Variants in GCH1 observed in about 807,000 individuals in gnomAD.
GCH1 encodes the protein GTP cyclohydrolase 1.
A neutral mutation model predicts 25.9 loss-of-function variants in GCH1; 5 were observed. That is an observed-to-expected ratio of 0.19 (90% CI 0.10 to 0.41). GCH1 has a LOEUF of 0.41. Ranked by LOEUF, GCH1 falls within the 10% of genes least tolerant of loss-of-function variation. The pLI, the probability that GCH1 is intolerant of heterozygous loss-of-function variation, is 1.00. For synonymous variants in GCH1, 159 were observed against 129.6 expected (o/e 1.23, Z -1.54); for missense variants, 261 against 336.5 (o/e 0.78, Z 1.75).
chr14:54,887,781 T>C (rs1287843062), intron 1 of GCH1, among the ~76,000 whole-genome samples: 2 of 152,322 alleles, frequency 1.3e-5, no homozygotes, highest in Admixed American at 1.3e-4. Context: ...ACTACGCCAA[T>C]ATGGCAGAAT....
chr14:54,847,750 G>T (rs2039665628), intron 3 of GCH1, among the ~76,000 whole-genome samples: 1 of 152,008 alleles, frequency 6.6e-6, no homozygotes, highest in Non-Finnish European at 1.5e-5. Flanking sequence ...ACTGCAGAGT[G>T]GTGCTTCCTG....
chr14:54,882,689 C>G (rs763478600), intron 1 of GCH1, among the ~76,000 whole-genome samples: 3 of 152,124 alleles, frequency 2.0e-5, no homozygotes, highest in Non-Finnish European at 2.9e-5. Flanking sequence ...ACACACCAAT[C>G]TGATTAAACT....
intron 1 of GCH1, among the ~76,000 whole-genome samples, chr14:54,876,049 T>G (rs1299647547): frequency 6.6e-6 from 1 of 152,166 alleles, no homozygotes; most frequent in Non-Finnish European, 1.5e-5. Context: ...CATGCACACG[T>G]ATGTTTACCG....
chr14:54,878,166 G>C (rs151262959), intron 1 of GCH1: 6 of 154,670 alleles, frequency 3.9e-5, no homozygotes, highest in African/African-American at 1.4e-4. Context: ...GGAAATTTCT[G>C]TCCAATGGAG....
chr14:54,891,062 C>T lies in GCH1; in HGVS notation c.343+11259G>A, dbSNP rs115611065. The stretch of plus-strand genomic sequence containing the variant: ...CTTGGTCAAACATGGTCTGAAAATA[C>T]TAAATGAAAAACTCCAGAAATAGAC... On this transcript the variant is annotated intron_variant, in intron 1 of 5. Transcript: ENST00000491895. 9.5e-3 allele frequency among the ~76,000 whole-genome samples: 1,440 copies of T among 152,244 alleles called. 28 individuals are homozygous for T. The highest frequency in any genetic ancestry group is 0.033 in the African/African-American group (1,353 of 41,536).
Position 54,898,707 on chromosome 14 carries a change from C to T in GCH1, c.343+3614G>A, listed in dbSNP as rs148887062. The stretch of plus-strand genomic sequence containing the variant: ...CAATCTCGGCTCACTGCAACCTCCA[C>T]CTTCTGGGTTCAAGTGATTCTCCTG... On this transcript the variant is annotated intron_variant, in intron 1 of 5. Coordinates refer to ENST00000491895, the MANE Select transcript of GCH1 (RefSeq NM_000161.3). 9.6e-3 allele frequency among the ~76,000 whole-genome samples: 1,461 copies of T among 152,274 alleles called. 26 individuals carry two copies. The highest frequency in any genetic ancestry group is 0.033 in the African/African-American group (1,370 of 41,554).
At position 54,855,078 on chromosome 14, in the gene GCH1, C is replaced by G. The variant is rs936868082; in HGVS notation, c.509+4603G>C. Among the ~76,000 whole-genome samples the G allele has an allele frequency of 5.9e-5, 9 of 152,310 alleles. No homozygotes were observed. In the East Asian group the frequency reaches 1.7e-3, roughly 29 times the overall value. On this transcript the variant is annotated intron_variant, in intron 3 of 5. Coordinates refer to ENST00000491895, the MANE Select transcript of GCH1 (RefSeq NM_000161.3). The stretch of plus-strand genomic sequence containing the variant: ...TTTTTGGCAAGTCTCAAACTGCAAA[C>G]TGTACTTATCTATAGCAAATACTGG...
intron 1 of GCH1, among the ~76,000 whole-genome samples, chr14:54,877,472 A>T (rs934228240): frequency 4.6e-5 from 7 of 152,148 alleles, no homozygotes; most frequent in African/African-American, 1.7e-4. Flanking sequence ...ATAGTAAGAC[A>T]GGCCCACAAT....
intron 1 of GCH1, among the ~76,000 whole-genome samples, chr14:54,873,423 C>T (rs1035779407): frequency 6.6e-6 from 1 of 151,990 alleles, no homozygotes; most frequent in Non-Finnish European, 1.5e-5. Flanking sequence ...CCTAACATCA[C>T]AATTAAAAGA....
chr14:54,851,724 C>T (rs2039733847), intron 3 of GCH1, among the ~76,000 whole-genome samples: 1 of 152,138 alleles, frequency 6.6e-6, no homozygotes, highest in Non-Finnish European at 1.5e-5. Flanking sequence ...CAGGAAACAA[C>T]AGGTGCTGGA....
chr14:54,877,492 A>G (rs1289294837), intron 1 of GCH1, among the ~76,000 whole-genome samples: 3 of 152,100 alleles, frequency 2.0e-5, no homozygotes, highest in East Asian at 1.9e-4. Flanking sequence ...TACAAGCCCA[A>G]GTGCTTTTTT....
intron 1 of GCH1, 85 bp downstream of exon 1, chr14:54,902,236 C>G (rs1020895393): frequency 9.1e-5 from 132 of 1,451,898 alleles, no homozygotes; most frequent in Non-Finnish European, 1.1e-4. Context: ...GAGGCAACTC[C>G]GGAAACTTCC....
chr14:54,859,234 A>G (rs1169784483), intron 3 of GCH1: 2 of 187,592 alleles, frequency 1.1e-5, no homozygotes, highest in East Asian at 1.4e-4. Context: ...GAAAGCAAAG[A>G]AGGTGAGCAC....
intron 1 of GCH1, among the ~76,000 whole-genome samples, chr14:54,869,043 T>C (rs955667469): frequency 6.6e-6 from 1 of 151,846 alleles, no homozygotes; most frequent in African/African-American, 2.4e-5. Context: ...GGCTCCAATA[T>C]TAATTTCTTT....
At chr14:54,845,371 G>C (rs1005984452) in intron 5 of GCH1, among the ~76,000 whole-genome samples, 2 of 151,430 alleles carry the variant, frequency 1.3e-5, no homozygotes, top group Non-Finnish European at 2.9e-5. Context: ...CCAGCTACTC[G>C]GGAGGCTGAG....
At position 54,845,777 on chromosome 14, in the gene GCH1, A is replaced by G. The variant is rs773159175; in HGVS notation, c.617T>C (p.Val206Ala). The change falls in exon 5 of 6, where the codon GTT becomes GCT. Residue 206 changes from valine (V) to alanine (A), a missense_variant. Val to Ala is a moderately conservative substitution (Grantham distance 64). Around this residue, in one of 3 missense-constraint regions of GCH1, gnomAD observed 130 missense variants for 184.1 expected, o/e 0.71. Transcript: ENST00000491895. ...GCAGATGCAGACTTACGTTGCTTCA[A>G]CCACTACCCCGACTCCAGCAGGCCG... ...ALRPAGVGVV[V>A]EATHMCMVMR... The G allele has an allele frequency of 2.5e-6, 4 of 1,590,204 alleles. No homozygotes were observed. The South Asian group carries it at 4.4e-5, about 18-fold the overall frequency.
chr14:54,858,009 G>T (rs144179004), intron 3 of GCH1, among the ~76,000 whole-genome samples: 1 of 152,172 alleles, frequency 6.6e-6, no homozygotes, highest in East Asian at 1.9e-4. Context: ...CAGAAACTGG[G>T]GAAGTTAAAT....
intron 2 of GCH1, among the ~76,000 whole-genome samples, chr14:54,863,478 C>T (rs1283848611): frequency 3.0e-5 from 1 of 33,500 alleles, no homozygotes; most frequent in Non-Finnish European, 5.9e-5. Flanking sequence ...AAAGTATTGA[C>T]AGCAGTATTG....
At chr14:54,850,189 G>C (rs1355656664) in intron 3 of GCH1, among the ~76,000 whole-genome samples, 2 of 152,018 alleles carry the variant, frequency 1.3e-5, no homozygotes, top group Non-Finnish European at 2.9e-5. Context: ...GGCCAGGCCG[G>C]TCTTGAACTC....
Sources: gnomAD v4.1 joint callset for allele counts (sites outside exome capture counted in the v4.1 genomes callset) on GRCh38, gnomAD v4.1.1 for gene constraint, gnomAD v4.1.1 regional missense constraint, MANE v1.5 for transcripts, NCBI Gene and HGNC (gene_info 2026-07-23, HGNC 2026-07-21) for gene names.